CYRIA: variants seen among roughly 807,000 people sequenced by gnomAD.
CYRIA encodes CYFIP related Rac1 interactor A, also known as CYFIP-related Rac1 interactor A.
Under a neutral mutation model 43.9 loss-of-function variants are expected in CYRIA, and 15 were observed. The ratio of observed to expected loss-of-function variants is 0.34; its 90% CI spans 0.23 to 0.53. The LOEUF is 0.53. Ranked by LOEUF, CYRIA falls within the 20% of genes least tolerant of loss-of-function variation. The pLI is 0.94. For missense variants in CYRIA, 236 were observed against 394.2 expected (o/e 0.60, Z 3.40); for synonymous variants, 117 against 136.0 (o/e 0.86, Z 0.97).
rs5007483 is a variant in CYRIA, at chr2:16,552,257, G to T, written c.*679C>A. 0.38 allele frequency: 57,505 copies of T among 151,824 alleles called. 12,172 individuals carry two copies. Among genetic ancestry groups the T allele is most frequent in the East Asian group, 0.64 (3,297 of 5,136 alleles). 9.4% of individuals were successfully genotyped at this position (151,824 alleles called of 1,614,324 possible). A position where few individuals can be genotyped will look rare whatever the true frequency, so the allele number is the denominator to read the frequency against. On this transcript the variant is annotated 3_prime_UTR_variant, in exon 12 of 12. Coordinates refer to ENST00000381323, the MANE Select transcript of CYRIA (RefSeq NM_030797.4). ...CACCTTCATCAGTCCAGTGGCAACA[G>T]CACATCTATCTATTTCTGCTGCTCT...
At chr2:16,660,480 T>C (rs1670221948) in intron 1 of CYRIA, among the ~76,000 whole-genome samples, 2 of 152,210 alleles carry the variant, frequency 1.3e-5, no homozygotes, top group African/African-American at 2.4e-5. Flanking sequence ...CACTGCACTT[T>C]GTAAAACACT....
intron 3 of CYRIA, among the ~76,000 whole-genome samples, chr2:16,583,465 A>C (rs1272481171): frequency 6.6e-6 from 1 of 152,202 alleles, no homozygotes; most frequent in Admixed American, 6.5e-5. Flanking sequence ...TTGGGAATAA[A>C]CAACTGAATC....
intron 3 of CYRIA, among the ~76,000 whole-genome samples, chr2:16,578,744 AAAAATAGAACAGAGTAT>A (rs1667441759): frequency 6.6e-6 from 1 of 152,164 alleles, no homozygotes; most frequent in Admixed American, 6.5e-5. Flanking sequence ...AAAGAATTTA[AAAAATAGAACAGAGTAT>A]CTGAGATCTG....
intron 2 of CYRIA, among the ~76,000 whole-genome samples, chr2:16,618,228 C>T (rs1473696274): frequency 6.6e-6 from 1 of 152,168 alleles, no homozygotes; most frequent in Admixed American, 6.5e-5. Flanking sequence ...CAAGAGGATG[C>T]TGCCTCTAAA....
At chr2:16,580,831 A>G (rs1305300678) in intron 3 of CYRIA, among the ~76,000 whole-genome samples, 1 of 152,184 alleles carries the variant, frequency 6.6e-6, no homozygotes, top group Non-Finnish European at 1.5e-5. Context: ...CATATCACAC[A>G]TATTACAATT....
At chr2:16,581,298 A>G (rs1667540618) in intron 3 of CYRIA, among the ~76,000 whole-genome samples, 3 of 152,216 alleles carry the variant, frequency 2.0e-5, no homozygotes, top group Non-Finnish European at 4.4e-5. Flanking sequence ...ACATGACAAG[A>G]TATTTTCTTA....
At chr2:16,656,836 C>T (rs1670126877) in intron 1 of CYRIA, among the ~76,000 whole-genome samples, 2 of 152,188 alleles carry the variant, frequency 1.3e-5, no homozygotes, top group African/African-American at 4.8e-5. Flanking sequence ...AGTGAGACCT[C>T]GTGAGCGTCA....
At chr2:16,624,131 C>T (rs1275197887) in intron 1 of CYRIA, 112 bp from the exon 2 acceptor site, 1 of 152,180 alleles carries the variant, frequency 6.6e-6, no homozygotes, top group Non-Finnish European at 1.5e-5. Flanking sequence ...GATTATCAGG[C>T]CTGAAGGACA....
rs148120140 is a variant in CYRIA, at chr2:16,607,769, G to A, written c.-11+16095C>T. Among the ~76,000 whole-genome samples, 923 of 152,080 alleles carry A rather than the reference G, an allele frequency of 6.1e-3. 6 individuals carry two copies. The highest frequency in any genetic ancestry group is 0.021 in the Admixed American group (321 of 15,264). ...GTGCCACCACACCTGGCTAATTTTC[G>A]TATTTTTAGTAGAGACAGGGTTTCA... On this transcript the variant is annotated intron_variant, in intron 2 of 11. Coordinates refer to ENST00000381323, the MANE Select transcript of CYRIA (RefSeq NM_030797.4).
At chr2:16,615,518 T>C (rs915773783) in intron 2 of CYRIA, among the ~76,000 whole-genome samples, 4 of 152,158 alleles carry the variant, frequency 2.6e-5, no homozygotes, top group Non-Finnish European at 4.4e-5. Flanking sequence ...AATATCTCAG[T>C]CCTTGAGCTG....
At chr2:16,646,054 A>T (rs1558440900) in intron 1 of CYRIA, among the ~76,000 whole-genome samples, 1 of 152,242 alleles carries the variant, frequency 6.6e-6, no homozygotes, top group African/African-American at 2.4e-5. Flanking sequence ...GTATGACCAG[A>T]ACTGCACAGG....
intron 2 of CYRIA, among the ~76,000 whole-genome samples, chr2:16,591,742 A>T (rs1667937766): frequency 2.6e-5 from 4 of 152,140 alleles, no homozygotes; most frequent in Admixed American, 2.6e-4. Flanking sequence ...AGCTTATATC[A>T]GAGGGAATAC....
At chr2:16,564,672 A>ATG (rs955651981) in intron 4 of CYRIA, among the ~76,000 whole-genome samples, 9 of 151,550 alleles carry the variant, frequency 5.9e-5, no homozygotes, top group South Asian at 2.1e-4. Flanking sequence ...ATGTGTGCGT[A>ATG]TGTGTGTGTG....
chr2:16,664,504 C>T (rs891290890), intron 1 of CYRIA, among the ~76,000 whole-genome samples: 2 of 152,198 alleles, frequency 1.3e-5, no homozygotes, highest in African/African-American at 4.8e-5. Flanking sequence ...CCTGCTCTGC[C>T]TCCTGTCTCC....
intron 2 of CYRIA, among the ~76,000 whole-genome samples, chr2:16,614,092 G>C (rs996014074): frequency 6.6e-6 from 1 of 152,192 alleles, no homozygotes; most frequent in African/African-American, 2.4e-5. Flanking sequence ...AAGCTTATCA[G>C]AATGAGTTTC....
At chr2:16,558,582 T>C (rs1241195097) in intron 10 of CYRIA, among the ~76,000 whole-genome samples, 26 of 152,206 alleles carry the variant, frequency 1.7e-4, no homozygotes, top group Admixed American at 1.6e-3. Context: ...TAGAGGCAAG[T>C]GCTGGATGAA....
chr2:16,588,566 C>A (rs1030834405), intron 2 of CYRIA, among the ~76,000 whole-genome samples: 1 of 152,108 alleles, frequency 6.6e-6, no homozygotes, highest in Non-Finnish European at 1.5e-5. Flanking sequence ...GCAAATGTTT[C>A]GGCTTTGCTT....
chr2:16,626,654 CG>C (rs746142344), intron 1 of CYRIA, among the ~76,000 whole-genome samples: 1 of 152,146 alleles, frequency 6.6e-6, no homozygotes, highest in Non-Finnish European at 1.5e-5. Context: ...TGAGTCACCC[CG>C]GGGCCAAGTG....
At chr2:16,641,949 T>G (rs1232300393) in intron 1 of CYRIA, among the ~76,000 whole-genome samples, 4 of 152,206 alleles carry the variant, frequency 2.6e-5, no homozygotes, top group Non-Finnish European at 5.9e-5. Context: ...TTACTTGATC[T>G]CTAGGAGGTC....
Sources: allele counts gnomAD v4.1 joint callset (sites outside exome capture counted in the v4.1 genomes callset), GRCh38; gene constraint gnomAD v4.1.1; transcripts MANE v1.5; gene names NCBI Gene and HGNC (gene_info 2026-07-23, HGNC 2026-07-21).